Variants in TOX observed in about 807,000 individuals in gnomAD.
The protein encoded by TOX is thymocyte selection associated high mobility group box.
A neutral mutation model predicts 53.7 loss-of-function variants in TOX; 11 were observed. The ratio of observed to expected loss-of-function variants is 0.20; its 90% CI spans 0.13 to 0.34. TOX has a LOEUF of 0.34. TOX is among the 10% of genes least tolerant of loss of function. TOX has a pLI of 1.00. For missense variants in TOX, 570 were observed against 664.6 expected (o/e 0.86, Z 1.56); for synonymous variants, 225 against 245.3 (o/e 0.92, Z 0.77).
chr8:59,098,364 G>A (rs1213181059), intron 1 of TOX, among the ~76,000 whole-genome samples: 1 of 151,920 alleles, frequency 6.6e-6, no homozygotes, highest in African/African-American at 2.4e-5. Context: ...CTAGCACTAA[G>A]AATATATTTT....
At chr8:58,833,357 G>T (rs1445839767) in intron 5 of TOX, among the ~76,000 whole-genome samples, 1 of 152,136 alleles carries the variant, frequency 6.6e-6, no homozygotes, top group Non-Finnish European at 1.5e-5. Context: ...TAGCTCTTTG[G>T]ACCAACCCTT....
chr8:58,884,520 G>A (rs1268274835), intron 3 of TOX, among the ~76,000 whole-genome samples: 4 of 152,128 alleles, frequency 2.6e-5, no homozygotes, highest in African/African-American at 9.7e-5. Context: ...TGGTTGAAAT[G>A]CATTACAATA....
At chr8:58,910,646 G>T in intron 3 of TOX, among the ~76,000 whole-genome samples, 1 of 152,222 alleles carries the variant, frequency 6.6e-6, no homozygotes, top group African/African-American at 2.4e-5. Context: ...GAATTAAAAA[G>T]TATGATTTGA....
At chr8:58,852,180 A>G (rs1004794572) in intron 3 of TOX, among the ~76,000 whole-genome samples, 4 of 152,172 alleles carry the variant, frequency 2.6e-5, no homozygotes, top group Admixed American at 2.6e-4. Flanking sequence ...GTTGATGCTC[A>G]TTAGAGTGTC....
At chr8:58,914,403 A>G (rs1198603106) in intron 3 of TOX, among the ~76,000 whole-genome samples, 1 of 152,176 alleles carries the variant, frequency 6.6e-6, no homozygotes, top group African/African-American at 2.4e-5. Flanking sequence ...CTTTTAAGAG[A>G]AGGCCTGAAG....
chr8:58,889,135 C>T lies in TOX; in HGVS notation c.412-37330G>A, dbSNP rs183972399. Among the ~76,000 whole-genome samples the T allele has an allele frequency of 1.2e-4, 18 of 149,482 alleles. 1 individual carries two copies. The East Asian group carries it at 3.5e-3, about 29-fold the overall frequency. ...TACAAATGCATATACATTTTTTATC[C>T]AGAAGTTCCACTGCTGCACTTACAC... is the stretch of plus-strand genomic sequence containing the variant. On this transcript the variant is annotated intron_variant, in intron 3 of 8. Transcript: ENST00000361421.
At chr8:58,866,255 A>C (rs1471967845) in intron 3 of TOX, among the ~76,000 whole-genome samples, 1 of 152,196 alleles carries the variant, frequency 6.6e-6, no homozygotes, top group Non-Finnish European at 1.5e-5. Context: ...TTAGTTATAC[A>C]GGGATTGCTG....
Position 58,939,388 on chromosome 8 carries a change from G to A in TOX, c.325C>T (p.His109Tyr). The stretch of plus-strand genomic sequence containing the variant: ...TCAGGGAGGTCCATGTTTTGTGGAT[G>A]AAATGGTAGCAGGCCATTATGGTTC... ...PMNHNGLLPF[H>Y]PQNMDLPEIT... is the part of the protein sequence containing the mutation. The change falls in exon 3 of 9, where the codon CAT becomes TAT. Residue 109 changes from histidine (H) to tyrosine (Y), a missense_variant. Around this residue, in one of 3 missense-constraint regions of TOX, gnomAD observed 282 missense variants for 315.0 expected, o/e 0.90. Coordinates refer to ENST00000361421, the MANE Select transcript of TOX (RefSeq NM_014729.3). The A allele has an allele frequency of 1.2e-6, 2 of 1,614,140 alleles. No individual in the cohort carries two copies. The highest frequency in any genetic ancestry group is 8.5e-7 in the Non-Finnish European group (1 of 1,180,022).
intron 1 of TOX, among the ~76,000 whole-genome samples, chr8:59,007,495 A>T (rs977078925): frequency 1.3e-5 from 2 of 152,214 alleles, no homozygotes; most frequent in Non-Finnish European, 2.9e-5. Context: ...CAGAAAAAAA[A>T]TATGAAGGGA....
intron 5 of TOX, among the ~76,000 whole-genome samples, chr8:58,836,682 C>G (rs1810551838): frequency 6.6e-6 from 1 of 152,150 alleles, no homozygotes; most frequent in African/African-American, 2.4e-5. Context: ...AGAGCAAGTT[C>G]TATGTTTCCT....
Position 59,061,813 on chromosome 8 carries a change from C to T in TOX, c.102+57073G>A, listed in dbSNP as rs7843704. ...AGAGGAAGGCAGAGCTAGAGAAAAG[C>T]AAAATCCACGTGCGCCCATGCCCAG... On this transcript the variant is annotated intron_variant, in intron 1 of 8. Transcript: ENST00000361421. Among the ~76,000 whole-genome samples, 998 of 152,164 alleles carry T rather than the reference C, an allele frequency of 6.6e-3. 11 individuals are homozygous for T. Among genetic ancestry groups the T allele is most frequent in the African/African-American group, 0.023 (961 of 41,504 alleles).
chr8:58,825,375 C>T (rs1012952738), intron 6 of TOX, among the ~76,000 whole-genome samples: 11 of 152,164 alleles, frequency 7.2e-5, no homozygotes, highest in South Asian at 2.1e-4. Flanking sequence ...AATGGCAATT[C>T]GCAGCATTTA....
intron 3 of TOX, among the ~76,000 whole-genome samples, chr8:58,893,562 G>A (rs979691948): frequency 6.6e-6 from 1 of 152,156 alleles, no homozygotes; most frequent in Non-Finnish European, 1.5e-5. Context: ...TATAAGTTCA[G>A]TGCAATTATT....
At chr8:58,898,417 G>A (rs115307547) in intron 3 of TOX, among the ~76,000 whole-genome samples, 3,229 of 112,630 alleles carry the variant, frequency 0.029, 67 homozygotes, top group South Asian at 0.1. Flanking sequence ...CTTTAGTAAC[G>A]TAACTGCTAA....
At chr8:58,913,960 C>T (rs28651644) in intron 3 of TOX, among the ~76,000 whole-genome samples, 48,173 of 152,086 alleles carry the variant, frequency 0.32, 8,718 homozygotes, top group Non-Finnish European at 0.4. Flanking sequence ...GGAGAGCACG[C>T]GCTGAAAGTG....
At chr8:59,026,888 A>G (rs373783008) in intron 1 of TOX, among the ~76,000 whole-genome samples, 1 of 127,202 alleles carries the variant, frequency 7.9e-6, no homozygotes, top group African/African-American at 3.1e-5. Flanking sequence ...TTTAAAGAGA[A>G]AGAGAGAGAA....
chr8:58,932,293 A>C (rs79820450), intron 3 of TOX, among the ~76,000 whole-genome samples: 4 of 150,452 alleles, frequency 2.7e-5, no homozygotes, highest in East Asian at 1.9e-4. Flanking sequence ...AAAAAAAAAA[A>C]CAGGCTATAA....
chr8:58,987,045 A>C (rs768959596), intron 1 of TOX, among the ~76,000 whole-genome samples: 8 of 152,216 alleles, frequency 5.3e-5, no homozygotes, highest in Non-Finnish European at 1.2e-4. Flanking sequence ...GTATATTTGC[A>C]CACGTTTGGA....
intron 1 of TOX, among the ~76,000 whole-genome samples, chr8:59,107,954 C>T (rs1162603737): frequency 1.3e-5 from 2 of 152,114 alleles, no homozygotes; most frequent in African/African-American, 2.4e-5. Context: ...TCCCTTTCCC[C>T]GCCCCCAAAA....
Sources: allele counts gnomAD v4.1 joint callset (sites outside exome capture counted in the v4.1 genomes callset), GRCh38; gene constraint gnomAD v4.1.1; regional missense constraint gnomAD v4.1.1; transcripts MANE v1.5; gene names NCBI Gene and HGNC (gene_info 2026-07-23, HGNC 2026-07-21).